ICA1L: variants seen among roughly 807,000 people sequenced by gnomAD.
The protein encoded by ICA1L is islet cell autoantigen 1 like.
ICA1L carries 50 observed loss-of-function variants against 61.3 expected under a neutral mutation model. The observed-to-expected ratio is 0.82, with a 90% CI of 0.65 to 1.03. The LOEUF (loss-of-function observed/expected upper bound fraction) is 1.03. Ranked by LOEUF, ICA1L falls within the 50% of genes least tolerant of loss-of-function variation. The probability of loss-of-function intolerance (pLI) is 0.00; values close to 1 mark genes in which losing one functional copy is unlikely to be tolerated. For synonymous variants in ICA1L, 161 were observed against 191.3 expected, an observed-to-expected ratio of 0.84 and a Z score of 1.31; for missense variants, 508 against 556.7, an observed-to-expected ratio of 0.91 and a Z score of 0.88.
intron 1 of ICA1L, among the ~76,000 whole-genome samples, chr2:202,847,390 C>T (rs983146192): frequency 6.6e-6 from 1 of 152,080 alleles, no homozygotes; most frequent in Non-Finnish European, 1.5e-5. Flanking sequence ...CCAAAATTTC[C>T]AACAGGTAAT....
intron 1 of ICA1L, among the ~76,000 whole-genome samples, chr2:202,832,361 C>T (rs1017580083): frequency 6.8e-6 from 1 of 148,100 alleles, no homozygotes; most frequent in Non-Finnish European, 1.5e-5. Flanking sequence ...GCAGGAAAAT[C>T]GCTTGAACCC....
chr2:202,782,580 T>C (rs1159165111), intron 12 of ICA1L, among the ~76,000 whole-genome samples: 1 of 151,962 alleles, frequency 6.6e-6, no homozygotes, highest in Non-Finnish European at 1.5e-5. Context: ...AGCTAATTTT[T>C]GTATTTTTAG....
chr2:202,796,998 A>G (rs1463362133), intron 9 of ICA1L, 34 bp from the exon 10 acceptor site: 2 of 1,442,544 alleles, frequency 1.4e-6, no homozygotes, highest in South Asian at 2.4e-5. Flanking sequence ...GAAGTTGAAC[A>G]AGAAGAAATT....
In ICA1L at chr2:202,848,991, G is replaced by A. The variant is rs1694540528; in HGVS notation, c.-7-19975C>T. Reference sequence around the variant, plus strand: ...AGTGGGTACAGCCCACGGAGGGCAAGCAGAAGCAGGGTGGGGCGTTGCCTC... The same window carrying A: ...AGTGGGTACAGCCCACGGAGGGCAAACAGAAGCAGGGTGGGGCGTTGCCTC... On this transcript the variant is annotated intron_variant, in intron 1 of 12. Coordinates refer to ENST00000358299, the MANE Select transcript of ICA1L (RefSeq NM_001288622.3). 2.0e-5 allele frequency among the ~76,000 whole-genome samples: 3 copies of A among 152,094 alleles called. No individual in the cohort carries two copies. In the South Asian group the frequency reaches 6.2e-4, roughly 32 times the overall value.
At chr2:202,833,853 G>A (rs1448135556) in intron 1 of ICA1L, among the ~76,000 whole-genome samples, 1 of 152,112 alleles carries the variant, frequency 6.6e-6, no homozygotes, top group Non-Finnish European at 1.5e-5. Flanking sequence ...TCAATTACAT[G>A]TAAAATCTAA....
intron 1 of ICA1L, among the ~76,000 whole-genome samples, chr2:202,834,819 A>G (rs1160890481): frequency 2.0e-5 from 3 of 152,044 alleles, no homozygotes; most frequent in Non-Finnish European, 4.4e-5. Flanking sequence ...TTTTAGCTAT[A>G]TATTTTTTTC....
chr2:202,871,560 C>T (rs546255487), intron 1 of ICA1L, 59 bp downstream of exon 1: 15 of 152,212 alleles, frequency 9.9e-5, no homozygotes, highest in African/African-American at 3.6e-4. Flanking sequence ...GATTTGGTCT[C>T]CGGGCCTGAC....
intron 9 of ICA1L, among the ~76,000 whole-genome samples, chr2:202,808,510 C>T (rs561449510): frequency 6.6e-6 from 1 of 152,308 alleles, no homozygotes; most frequent in South Asian, 2.1e-4. Flanking sequence ...CTGGGATCTG[C>T]TCTAGGCTGG....
At chr2:202,800,045 G>GT (rs952087246) in intron 9 of ICA1L, among the ~76,000 whole-genome samples, 24 of 150,962 alleles carry the variant, frequency 1.6e-4, no homozygotes, top group Non-Finnish European at 2.5e-4. Context: ...AGTCAGCTAA[G>GT]TTTTTTTTTG....
chr2:202,828,806 T>C, intron 2 of ICA1L, 42 bp downstream of exon 2: 1 of 1,552,604 alleles, frequency 6.4e-7, no homozygotes, highest in Admixed American at 1.7e-5. Context: ...GAGCCCCAAA[T>C]AATGGCTGGT....
chr2:202,834,531 G>C (rs1411620413), intron 1 of ICA1L, among the ~76,000 whole-genome samples: 1 of 152,112 alleles, frequency 6.6e-6, no homozygotes, highest in East Asian at 1.9e-4. Flanking sequence ...GGGAGGCTGA[G>C]GTGGGAGGAT....
chr2:202,796,004 C>T (rs964523250), intron 10 of ICA1L, among the ~76,000 whole-genome samples: 17 of 150,714 alleles, frequency 1.1e-4, no homozygotes, highest in African/African-American at 4.2e-4. Context: ...AATCGTGCCA[C>T]TGCTCTTCAG....
chr2:202,836,798 TATATATAG>T (rs140553697), intron 1 of ICA1L, among the ~76,000 whole-genome samples: 1 of 147,758 alleles, frequency 6.8e-6, no homozygotes, highest in Non-Finnish European at 1.5e-5. Context: ...TGTATATCTA[TATATATAG>T]ATATATATAG....
chr2:202,847,695 T>TATATATATATATA (rs1694501069), intron 1 of ICA1L, among the ~76,000 whole-genome samples: 4 of 102,230 alleles, frequency 3.9e-5, no homozygotes, highest in African/African-American at 1.7e-4. Flanking sequence ...TATATGGGAA[T>TATATATATATATA]TATATATATA....
intron 8 of ICA1L, among the ~76,000 whole-genome samples, chr2:202,813,648 G>A (rs1381471493): frequency 6.6e-6 from 1 of 152,030 alleles, no homozygotes; most frequent in Non-Finnish European, 1.5e-5. Flanking sequence ...ACTCTCTCAG[G>A]ATCACCTTCT....
intron 1 of ICA1L, among the ~76,000 whole-genome samples, chr2:202,870,188 G>T (rs1195436899): frequency 1.3e-5 from 2 of 152,090 alleles, no homozygotes; most frequent in Non-Finnish European, 2.9e-5. Context: ...TATCTATTTT[G>T]TATCTAATAT....
At chr2:202,845,626 TAA>T (rs78276440) in intron 1 of ICA1L, among the ~76,000 whole-genome samples, 9 of 140,248 alleles carry the variant, frequency 6.4e-5, no homozygotes, top group Non-Finnish European at 6.2e-5. Flanking sequence ...GAATCTGTCT[TAA>T]AAAAAAAAAA....
At chr2:202,846,260 T>C (rs200543866) in intron 1 of ICA1L, among the ~76,000 whole-genome samples, 3 of 152,242 alleles carry the variant, frequency 2.0e-5, no homozygotes, top group East Asian at 1.9e-4. Flanking sequence ...TTCTTTCTTT[T>C]TTTTTTAGAC....
At chr2:202,824,418 C>A (rs974677902) in intron 3 of ICA1L, among the ~76,000 whole-genome samples, 2 of 151,792 alleles carry the variant, frequency 1.3e-5, no homozygotes, top group Admixed American at 1.3e-4. Context: ...AAAATTCTGT[C>A]CTTAAGGAGG....
Sources: gnomAD v4.1 joint callset for allele counts (sites outside exome capture counted in the v4.1 genomes callset) on GRCh38, gnomAD v4.1.1 for gene constraint, MANE v1.5 for transcripts, NCBI Gene and HGNC (gene_info 2026-07-23, HGNC 2026-07-21) for gene names.